ALPK2: variants seen among roughly 807,000 people sequenced by gnomAD.
ALPK2 encodes alpha kinase 2.
In ALPK2, 127 loss-of-function variants were observed where a neutral mutation model predicts 163.1. The ratio of observed to expected loss-of-function variants is 0.78; its 90% CI spans 0.67 to 0.90. ALPK2 has a LOEUF of 0.90. Ranked by LOEUF, ALPK2 falls within the 40% of genes least tolerant of loss-of-function variation. ALPK2 has a pLI of 0.00. For synonymous variants in ALPK2, 953 were observed against 959.1 expected (o/e 0.99, Z 0.12); for missense variants, 2,360 against 2,589.6 (o/e 0.91, Z 1.92).
rs754173261 is a variant in ALPK2, at chr18:58,536,698, TGCA to T, written c.3486_3488del (p.Ala1163del). The stretch of plus-strand genomic sequence containing the variant: ...TGGGCACCAAGTTTCTTTCCTCTTG[TGCA>T]GCAGATGTCGTAGGCAAACTTTGTT... On this transcript the variant is annotated inframe_deletion, in exon 5 of 13. Coordinates refer to ENST00000361673, the MANE Select transcript of ALPK2 (RefSeq NM_052947.4). The T allele has an allele frequency of 1.2e-6, 2 of 1,614,196 alleles. No homozygotes were observed. Among genetic ancestry groups the T allele is most frequent in the Non-Finnish European group, 1.7e-6 (2 of 1,180,022 alleles).
At chr18:58,538,283 A>G in intron 4 of ALPK2, 59 bp from the exon 5 acceptor site, 2 of 1,424,992 alleles carry the variant, frequency 1.4e-6, no homozygotes, top group Non-Finnish European at 1.9e-6. Flanking sequence ...ACAATAGGGC[A>G]TAACTGCAAT....
chr18:58,604,220 G>A (rs1247060453), intron 3 of ALPK2, among the ~76,000 whole-genome samples: 1 of 152,154 alleles, frequency 6.6e-6, no homozygotes, highest in South Asian at 2.1e-4. Flanking sequence ...ATCAAATGCA[G>A]GTGAAGAAAA....
At chr18:58,543,381 T>A in intron 4 of ALPK2, 1 of 985,442 alleles carries the variant, frequency 1.0e-6, no homozygotes, top group Non-Finnish European at 1.2e-6. Context: ...CTCAGGCGGC[T>A]ATGTGTAGAC....
In ALPK2 at chr18:58,504,543, G is replaced by C. The variant is rs60071370; in HGVS notation, c.6030-395C>G. On this transcript the variant is annotated intron_variant, in intron 10 of 12. Transcript: ENST00000361673. ...CCTTCCTTTCATCCATCCATCCATTGATCCTTCTTTCCTCTCATTCAGTCA... is the reference window on the plus strand; with the variant it reads ...CCTTCCTTTCATCCATCCATCCATTCATCCTTCTTTCCTCTCATTCAGTCA... Among the ~76,000 whole-genome samples, 653 of 151,840 alleles carry C rather than the reference G, an allele frequency of 4.3e-3. 6 individuals carry two copies. The highest frequency in any genetic ancestry group is 0.015 in the African/African-American group (627 of 41,394).
At chr18:58,550,471 C>T (rs369580561) in intron 4 of ALPK2, among the ~76,000 whole-genome samples, 30 of 22,208 alleles carry the variant, frequency 1.4e-3, no homozygotes, top group East Asian at 3.9e-3. Context: ...TCCCCATCTC[C>T]ATCATATATG....
At chr18:58,501,228 C>T (rs560291538) in intron 11 of ALPK2, among the ~76,000 whole-genome samples, 1 of 152,316 alleles carries the variant, frequency 6.6e-6, no homozygotes, top group East Asian at 1.9e-4. Context: ...TTTACTAGTA[C>T]CTGGAAGTGA....
chr18:58,542,509 A>G (rs1047046105), intron 4 of ALPK2, among the ~76,000 whole-genome samples: 1 of 152,246 alleles, frequency 6.6e-6, no homozygotes, highest in Non-Finnish European at 1.5e-5. Flanking sequence ...CCTAGGTCCA[A>G]TCATAGAAAC....
At chr18:58,626,834 T>C (rs1003036355) in intron 1 of ALPK2, among the ~76,000 whole-genome samples, 2 of 152,068 alleles carry the variant, frequency 1.3e-5, no homozygotes, top group Non-Finnish European at 2.9e-5. Flanking sequence ...AATGTATAGT[T>C]TCTATTACTT....
At chr18:58,488,042 T>C (rs1385294424) in intron 12 of ALPK2, among the ~76,000 whole-genome samples, 5 of 151,630 alleles carry the variant, frequency 3.3e-5, no homozygotes, top group Non-Finnish European at 7.4e-5. Context: ...CTCTGGGGGG[T>C]ATTGATGTCA....
At chr18:58,559,675 A>G (rs1453938045) in intron 4 of ALPK2, among the ~76,000 whole-genome samples, 2 of 152,100 alleles carry the variant, frequency 1.3e-5, no homozygotes, top group Non-Finnish European at 2.9e-5. Flanking sequence ...CCCAAGTGTG[A>G]TACTCTCCAC....
At chr18:58,499,041 G>A (rs887536541) in intron 11 of ALPK2, among the ~76,000 whole-genome samples, 2 of 152,082 alleles carry the variant, frequency 1.3e-5, no homozygotes, top group African/African-American at 4.8e-5. Context: ...GTCAGTGTTA[G>A]ACCCCGGGAA....
intron 11 of ALPK2, among the ~76,000 whole-genome samples, chr18:58,501,505 G>A (rs2051431211): frequency 6.6e-6 from 1 of 152,204 alleles, no homozygotes. Context: ...CTTGCAAGGA[G>A]TCCTTCCAAG....
chr18:58,482,512 G>A (rs529844538), intron 12 of ALPK2, among the ~76,000 whole-genome samples: 30 of 152,124 alleles, frequency 2.0e-4, no homozygotes, highest in African/African-American at 7.0e-4. Flanking sequence ...AGGTTAAGAG[G>A]TCATGAGACT....
In ALPK2 at chr18:58,536,103, C is replaced by G. The variant is rs1602206210; in HGVS notation, c.4084G>C (p.Glu1362Gln). Residue 1362 changes from glutamate to glutamine, a missense_variant, in exon 5 of 13, where the codon GAA (glutamate) becomes CAA (glutamine). Transcript: ENST00000361673. ...SVTDSLSAAS[E>Q]TGGKENVNNV... ...TTAACATTTTCCTTCCCTCCAGTTT[C>G]AGAAGCCGCTGACAGTGAATCTGTG... is the stretch of plus-strand genomic sequence containing the variant. The G allele has an allele frequency of 6.2e-7, 1 of 1,614,194 alleles. No homozygotes were observed. The highest frequency in any genetic ancestry group is 1.3e-5 in the African/African-American group (1 of 75,056).
In ALPK2 at chr18:58,579,491, T is replaced by A; in HGVS notation, c.1285A>T (p.Met429Leu). 6.2e-7 allele frequency: 1 copy of A among 1,614,070 alleles called. No individual in the cohort carries two copies. Among genetic ancestry groups the A allele is most frequent in the East Asian group, 2.2e-5 (1 of 44,880 alleles). Reference sequence around the variant, plus strand: ...TGGTGAGGTCCCAAAATGAGAGTCATCCCTGTTTGTGGGGATGAGGGACCG... The same window carrying A: ...TGGTGAGGTCCCAAAATGAGAGTCAACCCTGTTTGTGGGGATGAGGGACCG... Reference protein sequence around the residue: ...KHGPSSPQTGMTLILGPHQDG... With the variant: ...KHGPSSPQTGLTLILGPHQDG... The change falls in exon 4 of 13, where the codon ATG (methionine) becomes TTG (leucine). Residue 429 changes from methionine (M) to leucine (L), a missense_variant. Met to Leu is a conservative substitution (Grantham distance 15). Coordinates refer to ENST00000361673, the MANE Select transcript of ALPK2 (RefSeq NM_052947.4).
intron 4 of ALPK2, among the ~76,000 whole-genome samples, chr18:58,553,500 A>T (rs143112165): frequency 6.5e-4 from 99 of 152,288 alleles, no homozygotes; most frequent in African/African-American, 2.0e-3. Flanking sequence ...TGATATGTTT[A>T]GGCTTTGTGT....
intron 8 of ALPK2, among the ~76,000 whole-genome samples, chr18:58,522,885 T>C (rs1248680405): frequency 6.6e-6 from 1 of 152,094 alleles, no homozygotes; most frequent in East Asian, 1.9e-4. Context: ...TTGAATTGGC[T>C]CATGAATTGT....
At chr18:58,587,856 G>C (rs539422636) in intron 3 of ALPK2, among the ~76,000 whole-genome samples, 1 of 152,228 alleles carries the variant, frequency 6.6e-6, no homozygotes, top group Non-Finnish European at 1.5e-5. Flanking sequence ...GTTCAGAGAA[G>C]GGACTGCAAT....
chr18:58,611,277 C>CA (rs747542222), intron 2 of ALPK2, among the ~76,000 whole-genome samples: 864 of 31,258 alleles, frequency 0.028, 5 homozygotes, highest in South Asian at 0.033. Flanking sequence ...GACTCCATCT[C>CA]AAAAAAAAAA....
Sources: gnomAD v4.1 joint callset for allele counts (sites outside exome capture counted in the v4.1 genomes callset) on GRCh38, gnomAD v4.1.1 for gene constraint, MANE v1.5 for transcripts, NCBI Gene and HGNC (gene_info 2026-07-23, HGNC 2026-07-21) for gene names.